The following OLFM2 variants were observed in gnomAD, a reference collection of about 807,000 sequenced individuals.
OLFM2 encodes the protein olfactomedin 2.
In OLFM2, 20 loss-of-function variants were observed where a neutral mutation model predicts 43.9. The ratio of observed to expected loss-of-function variants is 0.46; its 90% CI spans 0.32 to 0.66. OLFM2 has a LOEUF of 0.66. Among genes scored for constraint, OLFM2 ranks in the 30% least tolerant of loss-of-function variants. The pLI, the probability that OLFM2 is intolerant of heterozygous loss-of-function variation, is 0.04. For synonymous variants in OLFM2, 268 were observed against 278.6 expected (o/e 0.96, Z 0.38); for missense variants, 416 against 643.6 (o/e 0.65, Z 3.83).
Position 9,853,999 on chromosome 19 carries a change from A to G in OLFM2, c.*187T>C. 1 of 605,142 alleles carries G rather than the reference A, an allele frequency of 1.7e-6. No homozygotes were observed. The highest frequency in any genetic ancestry group is 2.9e-6 in the Non-Finnish European group (1 of 341,698). The allele number at this position is 605,142 out of a possible 1,614,324, so 37.5% of individuals were successfully genotyped here. On this transcript the variant is annotated 3_prime_UTR_variant, in exon 6 of 6. Transcript: ENST00000264833. ...GGTGTATTAAAAGCAGAGATCAATA[A>G]AGGAGAAGAGGGGAAATTGAAAAAA...
In OLFM2 at chr19:9,854,630, G is replaced by A. The variant is rs1204064002; in HGVS notation, c.921C>T (p.Ala307=). ...SVLVQRSLPG[A]GYNNTFPYSW... ...AGTAGGGGAAGGTGTTGTTGTAACC[G>A]GCGCCCGGGAGGCTCCTCTGCACCA... The change falls in exon 6 of 6, where the codon GCC becomes GCT. Residue 307 remains alanine, a synonymous_variant. Coordinates refer to ENST00000264833, the MANE Select transcript of OLFM2 (RefSeq NM_058164.4). This position sits in a 1 kb window ranked among gnomAD's most constrained non-coding sequence, Gnocchi z 9.5. 11 of 1,614,030 alleles carry A rather than the reference G, an allele frequency of 6.8e-6. No homozygotes were observed. Among genetic ancestry groups the A allele is most frequent in the African/African-American group, 5.3e-5 (4 of 74,944 alleles).
At chr19:9,936,204 G>A (rs1278132010) in intron 1 of OLFM2, 100 bp downstream of exon 1, 7 of 1,316,160 alleles carry the variant, frequency 5.3e-6, no homozygotes, top group Non-Finnish European at 7.3e-6. Context: ...GCAGCTGGGG[G>A]GGCTTGTGGA....
rs1484019256 is a variant in OLFM2 at position 9,856,008 on chromosome 19, C to T, written c.687+799G>A. ...ATAAGACATCACTTGAATTCACTGC[C>T]ATGGTTAACTAACCCCTGTCACCAT... On this transcript the variant is annotated intron_variant, in intron 5 of 5. Transcript: ENST00000264833. The surrounding 1 kb of genome is among the most constrained non-coding windows in gnomAD (Gnocchi z 4.0). Among the ~76,000 whole-genome samples, 1 of 152,212 alleles carries T rather than the reference C, an allele frequency of 6.6e-6. No homozygotes were observed. The highest frequency in any genetic ancestry group is 2.4e-5 in the African/African-American group (1 of 41,452).
chr19:9,854,134 GC>G lies in OLFM2; in HGVS notation c.*51del. 2 of 1,548,562 alleles carry G rather than the reference GC, an allele frequency of 1.3e-6. No individual in the cohort carries two copies. Among genetic ancestry groups the G allele is most frequent in the Non-Finnish European group, 8.9e-7 (1 of 1,124,958 alleles). ...GAGGGACACAGGCAGAATGAAAAGGGCCCCCAGCCCCCAGAGGCCCCCCAGG... is the reference window on the plus strand; with the variant it reads ...GAGGGACACAGGCAGAATGAAAAGGGCCCCAGCCCCCAGAGGCCCCCCAGG... On this transcript the variant is annotated 3_prime_UTR_variant, in exon 6 of 6. Coordinates refer to ENST00000264833, the MANE Select transcript of OLFM2 (RefSeq NM_058164.4). This position sits in a 1 kb window ranked among gnomAD's most constrained non-coding sequence, Gnocchi z 9.5.
intron 1 of OLFM2, among the ~76,000 whole-genome samples, chr19:9,876,298 A>C (rs1375235271): frequency 6.6e-6 from 1 of 152,178 alleles, no homozygotes; most frequent in Admixed American, 6.6e-5. Flanking sequence ...GGGGACATTT[A>C]ACTTCCATGG....
intron 1 of OLFM2, among the ~76,000 whole-genome samples, chr19:9,910,566 G>C (rs372095969): frequency 3.0e-4 from 45 of 152,256 alleles, no homozygotes; most frequent in African/African-American, 1.1e-3. Flanking sequence ...TAAAAAAATA[G>C]TTTTGTGGAA....
chr19:9,854,972 A>T lies in OLFM2; in HGVS notation c.688-109T>A, dbSNP rs1479282408. ...AACAGTCACTAAGTGGTCATTAGTC[A>T]TGGGAACTCTGTTGACCATTCATTA... On this transcript the variant is annotated intron_variant, in intron 5 of 5. Coordinates refer to ENST00000264833, the MANE Select transcript of OLFM2 (RefSeq NM_058164.4). This position sits in a 1 kb window ranked among gnomAD's most constrained non-coding sequence, Gnocchi z 9.5. The T allele has an allele frequency of 3.7e-6, 3 of 813,558 alleles. No individual in the cohort carries two copies. Among genetic ancestry groups the T allele is most frequent in the Admixed American group, 5.8e-5 (2 of 34,486 alleles). The allele number at this position is 813,558 out of a possible 1,614,324, so 50.4% of individuals were successfully genotyped here.
rs527857365 is a variant in OLFM2 at position 9,860,587 on chromosome 19, C to G, written c.213+58G>C. 3.8e-5 allele frequency: 59 copies of G among 1,539,286 alleles called. No homozygotes were observed. In the African/African-American group the frequency reaches 7.5e-4, roughly 20 times the overall value. ...GGCTGACCTGGATGGGGCTGGAGGGCGGGGTGAGAACTGGGAGATTTTCCC... is the reference window on the plus strand; with the variant it reads ...GGCTGACCTGGATGGGGCTGGAGGGGGGGGTGAGAACTGGGAGATTTTCCC... On this transcript the variant is annotated intron_variant, in intron 2 of 5. Coordinates refer to ENST00000264833, the MANE Select transcript of OLFM2 (RefSeq NM_058164.4).
chr19:9,874,238 T>C (rs988381716), intron 1 of OLFM2, among the ~76,000 whole-genome samples: 6 of 152,142 alleles, frequency 3.9e-5, no homozygotes, highest in East Asian at 1.9e-4. Context: ...TTTAGACTTA[T>C]CTGGTCTATG....
At chr19:9,871,263 CCTGT>C (rs1209869153) in intron 1 of OLFM2, among the ~76,000 whole-genome samples, 1 of 116,338 alleles carries the variant, frequency 8.6e-6, no homozygotes, top group Non-Finnish European at 1.8e-5. Flanking sequence ...AAAGCGAGAT[CCTGT>C]CTAAAAAAAA....
intron 1 of OLFM2, among the ~76,000 whole-genome samples, chr19:9,923,486 G>A (rs867987098): frequency 5.0e-4 from 76 of 151,092 alleles, no homozygotes; most frequent in African/African-American, 1.8e-3. Context: ...AACCTGGGAG[G>A]CAGAGGTTGT....
intron 1 of OLFM2, among the ~76,000 whole-genome samples, chr19:9,909,267 G>A (rs764381105): frequency 1.2e-4 from 19 of 152,096 alleles, no homozygotes; most frequent in Non-Finnish European, 2.2e-4. Flanking sequence ...CAGAGGCGAC[G>A]GTCAAGGGTA....
At position 9,921,865 on chromosome 19, in the gene OLFM2, G is replaced by A. The variant is rs184724483; in HGVS notation, c.63+14439C>T. 2.1e-3 allele frequency among the ~76,000 whole-genome samples: 321 copies of A among 152,240 alleles called. 3 individuals are homozygous for A. Among genetic ancestry groups the A allele is most frequent in the Admixed American group, 0.011 (162 of 15,288 alleles). On this transcript the variant is annotated intron_variant, in intron 1 of 5. Coordinates refer to ENST00000264833, the MANE Select transcript of OLFM2 (RefSeq NM_058164.4). ...TCCCAGCACTTTGGGAGGCCGGGGC[G>A]GGAGGATGGTTTGAACCCAGGAATT...
intron 1 of OLFM2, among the ~76,000 whole-genome samples, chr19:9,912,650 C>T (rs562755903): frequency 9.0e-4 from 137 of 152,060 alleles, no homozygotes; most frequent in African/African-American, 3.2e-3. Flanking sequence ...TCTCCTTCTT[C>T]CCTGATCCAG....
chr19:9,887,920 C>T (rs1004305268), intron 1 of OLFM2, among the ~76,000 whole-genome samples: 2 of 152,108 alleles, frequency 1.3e-5, no homozygotes, highest in African/African-American at 4.8e-5. Context: ...GTAGTCCCTT[C>T]TACACAGGAG....
intron 1 of OLFM2, among the ~76,000 whole-genome samples, chr19:9,929,146 T>G (rs2086469099): frequency 6.6e-6 from 1 of 152,162 alleles, no homozygotes; most frequent in African/African-American, 2.4e-5. Flanking sequence ...GAATAAAATG[T>G]TCCTGTCATG....
At chr19:9,928,068 G>A (rs1347405251) in intron 1 of OLFM2, among the ~76,000 whole-genome samples, 2 of 151,978 alleles carry the variant, frequency 1.3e-5, no homozygotes, top group African/African-American at 4.8e-5. Flanking sequence ...AAAATTAGCT[G>A]GATGTAGTGG....
chr19:9,880,236 G>A (rs529811013), intron 1 of OLFM2, among the ~76,000 whole-genome samples: 8 of 152,260 alleles, frequency 5.3e-5, no homozygotes, highest in East Asian at 1.9e-4. Flanking sequence ...ATGTAGGAGC[G>A]AGAGTCAGCA....
intron 1 of OLFM2, among the ~76,000 whole-genome samples, chr19:9,875,616 G>A (rs534306445): frequency 6.0e-4 from 90 of 150,188 alleles, no homozygotes; most frequent in Non-Finnish European, 8.7e-4. Flanking sequence ...TCAGCCTCCC[G>A]GGTAGCTGGG....
Sources: allele counts gnomAD v4.1 joint callset (sites outside exome capture counted in the v4.1 genomes callset), GRCh38; gene constraint gnomAD v4.1.1; non-coding constraint Gnocchi (gnomAD v3.1); transcripts MANE v1.5; gene names NCBI Gene and HGNC (gene_info 2026-07-23, HGNC 2026-07-21).